The following CTDSPL2 variants were observed in gnomAD, a reference collection of about 807,000 sequenced individuals.
CTDSPL2 encodes CTD small phosphatase-like protein 2.
Under a neutral mutation model 60.0 loss-of-function variants are expected in CTDSPL2, and 5 were observed. That is an observed-to-expected ratio of 0.08 (90% CI 0.04 to 0.18). The LOEUF is 0.18. Among genes scored for constraint, CTDSPL2 ranks in the 10% least tolerant of loss-of-function variants. The pLI, the probability that CTDSPL2 is intolerant of heterozygous loss-of-function variation, is 1.00. For missense variants in CTDSPL2, 370 were observed against 548.8 expected (o/e 0.67, Z 3.26); for synonymous variants, 186 against 189.3 (o/e 0.98, Z 0.14).
At chr15:44,430,873 G>A (rs1422447624) in intron 1 of CTDSPL2, among the ~76,000 whole-genome samples, 1 of 151,878 alleles carries the variant, frequency 6.6e-6, no homozygotes, top group Non-Finnish European at 1.5e-5. Flanking sequence ...CCAGGCTGGA[G>A]TGGAATGGTG....
chr15:44,472,155 A>G (rs1808678074), intron 2 of CTDSPL2, among the ~76,000 whole-genome samples: 2 of 152,176 alleles, frequency 1.3e-5, no homozygotes, highest in South Asian at 4.1e-4. Context: ...TGCTGTGAAC[A>G]TTCATGTATA....
chr15:44,496,356 T>G (rs1313724293), intron 5 of CTDSPL2, 24 bp from the exon 6 acceptor site: 5 of 1,555,606 alleles, frequency 3.2e-6, no homozygotes, highest in Non-Finnish European at 4.4e-6. Flanking sequence ...AAAGCAACAT[T>G]TTTTCTTTCA....
intron 1 of CTDSPL2, among the ~76,000 whole-genome samples, chr15:44,437,837 G>T (rs1473098129): frequency 1.3e-5 from 2 of 152,206 alleles, no homozygotes; most frequent in Non-Finnish European, 2.9e-5. Context: ...TATAGAGGTG[G>T]TTACTTATAC....
chr15:44,523,185 CTG>C (rs1033923519), intron 12 of CTDSPL2, among the ~76,000 whole-genome samples: 11 of 152,038 alleles, frequency 7.2e-5, no homozygotes, highest in African/African-American at 2.7e-4. Context: ...TTAGTAGAGA[CTG>C]GGTTTCACCA....
chr15:44,481,704 G>A (rs189087965), intron 2 of CTDSPL2, among the ~76,000 whole-genome samples: 21 of 152,236 alleles, frequency 1.4e-4, no homozygotes, highest in African/African-American at 4.3e-4. Flanking sequence ...CTCCCAAGTA[G>A]CTGGGATTAC....
At chr15:44,443,138 C>T (rs2080126809) in intron 1 of CTDSPL2, among the ~76,000 whole-genome samples, 1 of 152,156 alleles carries the variant, frequency 6.6e-6, no homozygotes, top group African/African-American at 2.4e-5. Flanking sequence ...GTACATTCAC[C>T]TTGTTGTCTA....
chr15:44,496,479 T>C, intron 6 of CTDSPL2, 21 bp downstream of exon 6: 1 of 1,590,898 alleles, frequency 6.3e-7, no homozygotes, highest in Non-Finnish European at 8.6e-7. Context: ...TTTTTCTCTT[T>C]TTTTCTTTCC....
chr15:44,458,191 A>G (rs887610789), intron 1 of CTDSPL2, among the ~76,000 whole-genome samples: 4 of 152,242 alleles, frequency 2.6e-5, no homozygotes, highest in Non-Finnish European at 5.9e-5. Context: ...AACATAACTA[A>G]GTGACTACAG....
intron 2 of CTDSPL2, among the ~76,000 whole-genome samples, chr15:44,478,311 G>C (rs766141903): frequency 6.6e-6 from 1 of 151,738 alleles, no homozygotes; most frequent in African/African-American, 2.4e-5. Context: ...AATTTCCTCA[G>C]CGTGGTGGCA....
chr15:44,483,558 A>C (rs1419825630), intron 2 of CTDSPL2, among the ~76,000 whole-genome samples: 2 of 152,060 alleles, frequency 1.3e-5, no homozygotes, highest in Non-Finnish European at 2.9e-5. Context: ...AAAATTTACA[A>C]ATTAGAAAAC....
chr15:44,446,614 AGCAAG>A (rs2080220203), intron 1 of CTDSPL2, among the ~76,000 whole-genome samples: 2 of 151,532 alleles, frequency 1.3e-5, no homozygotes, highest in South Asian at 4.2e-4. Flanking sequence ...TGGGTGACAG[AGCAAG>A]GCTCTATCTC....
chr15:44,431,197 G>A (rs1204000021), intron 1 of CTDSPL2, among the ~76,000 whole-genome samples: 1 of 151,250 alleles, frequency 6.6e-6, no homozygotes, highest in Non-Finnish European at 1.5e-5. Context: ...CTAGGCTCAA[G>A]TGATTCTCCC....
chr15:44,429,137 A>G lies in CTDSPL2; in HGVS notation c.-25+1365A>G, dbSNP rs139128015. Reference sequence around the variant, plus strand: ...TGCACGATGTTATGGTTAATTTTCAATAATAAACAGGAACACACAAACATT... The same window carrying G: ...TGCACGATGTTATGGTTAATTTTCAGTAATAAACAGGAACACACAAACATT... On this transcript the variant is annotated intron_variant, in intron 1 of 12. Coordinates refer to ENST00000260327, the MANE Select transcript of CTDSPL2 (RefSeq NM_016396.3). 2.3e-3 allele frequency among the ~76,000 whole-genome samples: 349 copies of G among 152,378 alleles called. 1 individual carries two copies. The highest frequency in any genetic ancestry group is 8.1e-3 in the African/African-American group (337 of 41,600).
At chr15:44,496,075 C>A (rs2081295385) in intron 5 of CTDSPL2, among the ~76,000 whole-genome samples, 1 of 152,144 alleles carries the variant, frequency 6.6e-6, no homozygotes, top group Non-Finnish European at 1.5e-5. Flanking sequence ...AAACACCATA[C>A]AATTAGAAGA....
intron 1 of CTDSPL2, among the ~76,000 whole-genome samples, chr15:44,432,859 T>C (rs1279183494): frequency 6.6e-6 from 1 of 151,964 alleles, no homozygotes; most frequent in Non-Finnish European, 1.5e-5. Flanking sequence ...GACCTCAGGA[T>C]GATCCACCTG....
At chr15:44,499,008 T>G (rs1309647734) in intron 7 of CTDSPL2, among the ~76,000 whole-genome samples, 1 of 152,192 alleles carries the variant, frequency 6.6e-6, no homozygotes, top group African/African-American at 2.4e-5. Flanking sequence ...ATTTGCTGAT[T>G]GTAAAAAAGT....
chr15:44,468,016 A>G (rs1452733138), intron 2 of CTDSPL2, among the ~76,000 whole-genome samples: 1 of 151,848 alleles, frequency 6.6e-6, no homozygotes, highest in Non-Finnish European at 1.5e-5. Flanking sequence ...TTTTGTCTTG[A>G]TTTGTAATGT....
chr15:44,501,424 C>T (rs1181886859), intron 8 of CTDSPL2, among the ~76,000 whole-genome samples: 6 of 152,022 alleles, frequency 3.9e-5, no homozygotes, highest in African/African-American at 1.4e-4. Flanking sequence ...CGTTTCTCTT[C>T]AGTATGATCA....
At chr15:44,516,752 C>G (rs1001321945) in intron 10 of CTDSPL2, 2 of 152,224 alleles carry the variant, frequency 1.3e-5, no homozygotes, top group Non-Finnish European at 2.9e-5. Context: ...CTCTTTTAAA[C>G]TAGATTTATA....
Sources: gnomAD v4.1 joint callset for allele counts (sites outside exome capture counted in the v4.1 genomes callset) on GRCh38, gnomAD v4.1.1 for gene constraint, MANE v1.5 for transcripts, NCBI Gene and HGNC (gene_info 2026-07-23, HGNC 2026-07-21) for gene names.